The following DOCK2 variants were observed in gnomAD, a reference collection of about 807,000 sequenced individuals.
DOCK2 encodes dedicator of cytokinesis protein 2.
A neutral mutation model predicts 248.9 loss-of-function variants in DOCK2; 87 were observed. That is an observed-to-expected ratio of 0.35 (90% CI 0.29 to 0.42). The LOEUF is 0.42. DOCK2 is among the 10% of genes least tolerant of loss of function. The pLI is 1.00. For synonymous variants in DOCK2, 805 were observed against 821.6 expected (o/e 0.98, Z 0.35); for missense variants, 1,747 against 2,300.2 (o/e 0.76, Z 4.92).
intron 28 of DOCK2, among the ~76,000 whole-genome samples, chr5:169,984,120 T>A (rs1475135028): frequency 6.6e-6 from 1 of 152,206 alleles, no homozygotes; most frequent in East Asian, 1.9e-4. Context: ...AAGTATGACA[T>A]GGAAATTAGG....
intron 27 of DOCK2, among the ~76,000 whole-genome samples, chr5:169,945,491 C>A (rs991570504): frequency 6.6e-6 from 1 of 152,246 alleles, no homozygotes; most frequent in African/African-American, 2.4e-5. Flanking sequence ...GTGCCAAACA[C>A]TTTGTATGTG....
intron 27 of DOCK2, among the ~76,000 whole-genome samples, chr5:169,897,528 A>G (rs1021841853): frequency 6.6e-6 from 1 of 152,172 alleles, no homozygotes; most frequent in Non-Finnish European, 1.5e-5. Context: ...AGCAAACGGA[A>G]AGACATGATG....
intron 27 of DOCK2, among the ~76,000 whole-genome samples, chr5:169,894,896 A>G (rs1773508137): frequency 6.6e-6 from 1 of 152,232 alleles, no homozygotes; most frequent in African/African-American, 2.4e-5. Flanking sequence ...ACGAAACTCA[A>G]GGAGAAAATG....
At chr5:169,737,590 A>T (rs1763104572) in intron 22 of DOCK2, among the ~76,000 whole-genome samples, 1 of 152,286 alleles carries the variant, frequency 6.6e-6, no homozygotes, top group African/African-American at 2.4e-5. Flanking sequence ...AGGCAGAATT[A>T]GAGGGTTGAG....
At chr5:170,062,438 C>T (rs964259017) in intron 44 of DOCK2, among the ~76,000 whole-genome samples, 1 of 152,060 alleles carries the variant, frequency 6.6e-6, no homozygotes, top group Non-Finnish European at 1.5e-5. Context: ...TAAACATCCA[C>T]ATTGAACCGA....
At chr5:169,781,687 C>G (rs927638893) in intron 25 of DOCK2, among the ~76,000 whole-genome samples, 1 of 152,160 alleles carries the variant, frequency 6.6e-6, no homozygotes, top group Non-Finnish European at 1.5e-5. Flanking sequence ...GTGTGTGAAT[C>G]CAGTGTGTCA....
chr5:170,081,537 A>T, intron 50 of DOCK2: 1 of 353,722 alleles, frequency 2.8e-6, no homozygotes, highest in East Asian at 5.6e-5. Flanking sequence ...GTAAGCTCAC[A>T]CTGTCCCCTG....
intron 26 of DOCK2, among the ~76,000 whole-genome samples, chr5:169,814,452 G>A (rs1339696799): frequency 6.6e-6 from 1 of 152,204 alleles, no homozygotes; most frequent in Non-Finnish European, 1.5e-5. Context: ...TTCAATGTGG[G>A]ATCCTGAATT....
Position 170,082,956 on chromosome 5 carries a change from C to T in DOCK2, c.*98C>T. 6.7e-7 allele frequency: 1 copy of T among 1,489,986 alleles called. No individual in the cohort carries two copies. Among genetic ancestry groups the T allele is most frequent in the East Asian group, 2.3e-5 (1 of 43,826 alleles). The allele number at this position is 1,489,986 out of a possible 1,614,324, so 92.3% of individuals were successfully genotyped here. ...CATCGAAGCCTCAGAGAGTGGGAGA[C>T]TGTCCCCATCAGTTGTCCTTACTTA... On this transcript the variant is annotated 3_prime_UTR_variant, in exon 52 of 52. Transcript: ENST00000520908.
At chr5:169,711,284 G>A (rs565682856) in intron 15 of DOCK2, among the ~76,000 whole-genome samples, 1 of 152,294 alleles carries the variant, frequency 6.6e-6, no homozygotes, top group South Asian at 2.1e-4. Flanking sequence ...GTGAGACTTT[G>A]GGAGGTGGGC....
intron 23 of DOCK2, among the ~76,000 whole-genome samples, chr5:169,750,703 T>G (rs1262925616): frequency 2.0e-5 from 3 of 152,252 alleles, no homozygotes; most frequent in African/African-American, 7.2e-5. Flanking sequence ...CATCTCTTTT[T>G]CAATTTGCTC....
At chr5:169,893,513 C>G (rs1185390625) in intron 27 of DOCK2, among the ~76,000 whole-genome samples, 1 of 142,088 alleles carries the variant, frequency 7.0e-6, no homozygotes, top group African/African-American at 2.6e-5. Context: ...CACTTTTTGA[C>G]TTTAAATAAT....
intron 15 of DOCK2, among the ~76,000 whole-genome samples, chr5:169,709,956 A>T (rs1418051642): frequency 6.6e-6 from 1 of 152,186 alleles, no homozygotes; most frequent in Non-Finnish European, 1.5e-5. Flanking sequence ...TGGGGCTAGG[A>T]TTCTGTTGAA....
At chr5:169,988,031 C>A (rs1410043931) in intron 29 of DOCK2, among the ~76,000 whole-genome samples, 2 of 152,064 alleles carry the variant, frequency 1.3e-5, no homozygotes, top group African/African-American at 4.8e-5. Flanking sequence ...TAGCACAGTG[C>A]CAGGATCAAG....
At chr5:169,831,803 G>A (rs1769245438) in intron 26 of DOCK2, among the ~76,000 whole-genome samples, 1 of 152,200 alleles carries the variant, frequency 6.6e-6, no homozygotes, top group Non-Finnish European at 1.5e-5. Context: ...TATTGTGGAT[G>A]CCAATGCATC....
At position 169,990,652 on chromosome 5, in the gene DOCK2, A is replaced by G. The variant is rs139105167; in HGVS notation, c.2993+4730A>G. On this transcript the variant is annotated intron_variant, in intron 29 of 51. Coordinates refer to ENST00000520908, the MANE Select transcript of DOCK2 (RefSeq NM_004946.3). The stretch of plus-strand genomic sequence containing the variant: ...TGAAATGCTCTGTGGGAGAATAGGT[A>G]TCCCAGCGGCTCAAGAGGAGGGATG... Among the ~76,000 whole-genome samples the G allele has an allele frequency of 5.6e-3, 852 of 152,340 alleles. 7 individuals are homozygous for G. The highest frequency in any genetic ancestry group is 8.3e-3 in the Non-Finnish European group (564 of 68,028).
chr5:169,724,865 T>C (rs1337701091), intron 22 of DOCK2, among the ~76,000 whole-genome samples: 2 of 152,072 alleles, frequency 1.3e-5, no homozygotes, highest in South Asian at 2.1e-4. Context: ...TATTGCATAG[T>C]AGTTTACCCT....
intron 26 of DOCK2, among the ~76,000 whole-genome samples, chr5:169,825,397 T>G (rs1352133240): frequency 1.3e-5 from 2 of 151,734 alleles, no homozygotes; most frequent in Non-Finnish European, 2.9e-5. Context: ...TAGACTGGAT[T>G]AAGAAAATGT....
At chr5:169,810,343 C>CT (rs142292566) in intron 26 of DOCK2, among the ~76,000 whole-genome samples, 69 of 152,290 alleles carry the variant, frequency 4.5e-4, no homozygotes, top group African/African-American at 1.6e-3. Flanking sequence ...TGTGCAAGAT[C>CT]CTCCCCTGTT....
Sources: gnomAD v4.1 joint callset for allele counts (sites outside exome capture counted in the v4.1 genomes callset) on GRCh38, gnomAD v4.1.1 for gene constraint, MANE v1.5 for transcripts, NCBI Gene and HGNC (gene_info 2026-07-23, HGNC 2026-07-21) for gene names.